The following HACE1 variants were observed in gnomAD, a reference collection of about 807,000 sequenced individuals.
The protein encoded by HACE1 is HECT domain and ankyrin repeat containing E3 ubiquitin protein ligase 1.
HACE1 carries 73 observed loss-of-function variants against 118.4 expected under a neutral mutation model. The ratio of observed to expected loss-of-function variants is 0.62; its 90% CI spans 0.51 to 0.75. The LOEUF is 0.75. Ranked by LOEUF, HACE1 falls within the 30% of genes least tolerant of loss-of-function variation. The pLI is 0.00. For missense variants in HACE1, 749 were observed against 1,102.2 expected, an observed-to-expected ratio of 0.68 and a Z score of 4.54; for synonymous variants, 368 against 374.8, an observed-to-expected ratio of 0.98 and a Z score of 0.21.
At chr6:104,796,424 T>C (rs1360363396) in intron 9 of HACE1, among the ~76,000 whole-genome samples, 1 of 152,150 alleles carries the variant, frequency 6.6e-6, no homozygotes, top group Non-Finnish European at 1.5e-5. Flanking sequence ...CTAGTTATCT[T>C]AAGGAGAGAC....
intron 5 of HACE1, among the ~76,000 whole-genome samples, chr6:104,836,298 G>A (rs1349057532): frequency 1.3e-5 from 2 of 152,062 alleles, no homozygotes; most frequent in East Asian, 3.9e-4. Flanking sequence ...CATATTAAGA[G>A]GATATTTACA....
At position 104,741,009 on chromosome 6, in the gene HACE1, C is replaced by A. The variant is rs1043665556; in HGVS notation, c.2513+3151G>T. 5.6e-4 allele frequency among the ~76,000 whole-genome samples: 73 copies of A among 130,950 alleles called. 1 individual carries two copies. The Middle Eastern group carries it at 0.014, about 26-fold the overall frequency. 85.9% of individuals were successfully genotyped at this position (130,950 alleles called of 152,430 possible). On this transcript the variant is annotated intron_variant, in intron 22 of 23. Coordinates refer to ENST00000262903, the MANE Select transcript of HACE1 (RefSeq NM_020771.4). ...TGGGATGCAAGGCTGGTTCAATATA[C>A]GCAAATCAATAAATGTAATCCAGCA...
chr6:104,784,281 C>G (rs1419655270), intron 13 of HACE1, 108 bp from the exon 14 acceptor site: 1 of 865,394 alleles, frequency 1.2e-6, no homozygotes, highest in African/African-American at 1.7e-5. Context: ...ACATAATAAT[C>G]CATATCTATT....
intron 6 of HACE1, among the ~76,000 whole-genome samples, chr6:104,822,932 C>G (rs140049272): frequency 1.4e-4 from 21 of 152,126 alleles, no homozygotes; most frequent in African/African-American, 5.1e-4. Flanking sequence ...AATATAAAAA[C>G]AATTTATTCA....
intron 22 of HACE1, among the ~76,000 whole-genome samples, chr6:104,740,855 A>C (rs11757434): frequency 0.13 from 14,183 of 113,148 alleles, 716 homozygotes; most frequent in African/African-American, 0.17. Context: ...GAGACACAAC[A>C]AAAAAAGAGA....
At chr6:104,768,442 T>C (rs1385018083) in intron 19 of HACE1, among the ~76,000 whole-genome samples, 1 of 152,134 alleles carries the variant, frequency 6.6e-6, no homozygotes, top group Non-Finnish European at 1.5e-5. Context: ...AAGTAACATT[T>C]TGTAAACTGA....
At chr6:104,800,615 C>T (rs1378878794) in intron 7 of HACE1, among the ~76,000 whole-genome samples, 1 of 152,190 alleles carries the variant, frequency 6.6e-6, no homozygotes, top group Non-Finnish European at 1.5e-5. Flanking sequence ...TCCAACAGAC[C>T]TGCAGCTGAG....
chr6:104,843,325 ACT>A, intron 4 of HACE1, 27 bp from the exon 5 acceptor site: 1 of 1,018,082 alleles, frequency 9.8e-7, no homozygotes, highest in East Asian at 2.4e-5. Flanking sequence ...GTCATGGATA[ACT>A]GGTACTTAAA....
intron 14 of HACE1, chr6:104,780,345 T>C (rs573629341): frequency 2.2e-5 from 10 of 452,022 alleles, no homozygotes; most frequent in South Asian, 1.6e-4. Flanking sequence ...GTAAACTTTC[T>C]AGAGTACCTG....
At chr6:104,825,630 A>G (rs1210656324) in intron 6 of HACE1, among the ~76,000 whole-genome samples, 1 of 152,166 alleles carries the variant, frequency 6.6e-6, no homozygotes, top group African/African-American at 2.4e-5. Context: ...CCTCTGATTG[A>G]TTGCAGGCCA....
chr6:104,781,779 G>A (rs2114776128), intron 14 of HACE1, among the ~76,000 whole-genome samples: 1 of 151,480 alleles, frequency 6.6e-6, no homozygotes, highest in East Asian at 2.0e-4. Flanking sequence ...CTCACACTGG[G>A]ACCCTCTTCT....
chr6:104,756,741 G>A (rs1342160023), intron 19 of HACE1, among the ~76,000 whole-genome samples: 1 of 152,168 alleles, frequency 6.6e-6, no homozygotes, highest in Non-Finnish European at 1.5e-5. Context: ...AGGGCAGGGT[G>A]TCGTTTCACC....
chr6:104,822,200 T>A (rs1440659586), intron 6 of HACE1, among the ~76,000 whole-genome samples: 2 of 66,544 alleles, frequency 3.0e-5, no homozygotes. Flanking sequence ...ACCCCGTCTC[T>A]ACTAAAAAAA....
intron 23 of HACE1, 121 bp from the exon 24 acceptor site, chr6:104,729,885 G>A: frequency 1.5e-6 from 1 of 687,618 alleles, no homozygotes; most frequent in Non-Finnish European, 2.6e-6. Flanking sequence ...TTTGCATTCA[G>A]ATTGAAAAAC....
chr6:104,737,617 C>T (rs1033489334), intron 22 of HACE1, among the ~76,000 whole-genome samples: 1 of 152,192 alleles, frequency 6.6e-6, no homozygotes, highest in South Asian at 2.1e-4. Flanking sequence ...TGCGCTTTTC[C>T]GATGGGCTTA....
At chr6:104,812,446 TA>T (rs536320730) in intron 6 of HACE1, among the ~76,000 whole-genome samples, 3 of 150,260 alleles carry the variant, frequency 2.0e-5, no homozygotes, top group Non-Finnish European at 3.0e-5. Context: ...CCCCATGCCT[TA>T]AAAAAAAACA....
chr6:104,771,317 T>C lies in HACE1; in HGVS notation c.2087A>G (p.Asp696Gly). ...EYAKNLQWIL[D>G]NDISDLGLEL... ...TAGACCCAGATCACTTATATCATTA[T>C]CTAAAATCCATTGCAAATTTTTCGC... is the stretch of plus-strand genomic sequence containing the variant. The change falls in exon 19 of 24, where the codon GAT (aspartate) becomes GGT (glycine). Residue 696 changes from aspartate (D) to glycine (G), a missense_variant. Around this residue, in one of 5 missense-constraint regions of HACE1, gnomAD observed 195 missense variants for 322.1 expected, o/e 0.61. Transcript: ENST00000262903. 2 of 1,611,920 alleles carry C rather than the reference T, an allele frequency of 1.2e-6. No individual in the cohort carries two copies. Among genetic ancestry groups the C allele is most frequent in the Non-Finnish European group, 8.5e-7 (1 of 1,178,018 alleles).
intron 19 of HACE1, among the ~76,000 whole-genome samples, chr6:104,754,362 T>TC (rs1778386551): frequency 2.0e-5 from 3 of 152,142 alleles, no homozygotes; most frequent in African/African-American, 7.2e-5. Context: ...TCCCCCAGAT[T>TC]ATCAGGACAG....
chr6:104,775,624 T>G (rs1397690689), intron 17 of HACE1, among the ~76,000 whole-genome samples: 1 of 152,178 alleles, frequency 6.6e-6, no homozygotes, highest in East Asian at 1.9e-4. Context: ...TTCACTGAAC[T>G]CGTCATTCAC....
Sources: gnomAD v4.1 joint callset for allele counts (sites outside exome capture counted in the v4.1 genomes callset) on GRCh38, gnomAD v4.1.1 for gene constraint, gnomAD v4.1.1 regional missense constraint, MANE v1.5 for transcripts, NCBI Gene and HGNC (gene_info 2026-07-23, HGNC 2026-07-21) for gene names.